The following SCLT1 variants were observed in gnomAD, a reference collection of about 807,000 sequenced individuals.
SCLT1 encodes the protein sodium channel and clathrin linker 1.
A neutral mutation model predicts 112.8 loss-of-function variants in SCLT1; 78 were observed. The observed-to-expected ratio is 0.69, with a 90% CI of 0.58 to 0.83. SCLT1 has a LOEUF of 0.83. SCLT1 is among the 40% of genes least tolerant of loss of function. The pLI, the probability that SCLT1 is intolerant of heterozygous loss-of-function variation, is 0.00. For synonymous variants in SCLT1, 257 were observed against 254.7 expected (o/e 1.01, Z -0.09); for missense variants, 747 against 770.4 (o/e 0.97, Z 0.36).
chr4:129,020,294 T>C (rs979107087), intron 5 of SCLT1, among the ~76,000 whole-genome samples: 3 of 152,188 alleles, frequency 2.0e-5, no homozygotes, highest in Non-Finnish European at 2.9e-5. Context: ...CTTATATATA[T>C]ACTGGATATG....
At position 128,967,984 on chromosome 4, in the gene SCLT1, T is replaced by A. The variant is rs766437863; in HGVS notation, c.777+2394A>T. ...GATGAGAACTTAGCCATTAATCTTA[T>A]CATTGCCTCTCTGTTCAGGTCATTT... On this transcript the variant is annotated intron_variant, in intron 10 of 20. Transcript: ENST00000281142. 9.2e-4 allele frequency among the ~76,000 whole-genome samples: 140 copies of A among 152,196 alleles called. 2 individuals are homozygous for A. The highest frequency in any genetic ancestry group is 9.3e-4 in the Non-Finnish European group (63 of 68,026).
chr4:128,896,993 G>A (rs888842750), intron 18 of SCLT1, among the ~76,000 whole-genome samples: 5 of 152,098 alleles, frequency 3.3e-5, no homozygotes, highest in East Asian at 1.9e-4. Context: ...AAAAAGAAAC[G>A]AACAAAGCCT....
chr4:128,891,385 T>TA, intron 18 of SCLT1, among the ~76,000 whole-genome samples: 2 of 152,128 alleles, frequency 1.3e-5, no homozygotes, highest in African/African-American at 4.8e-5. Context: ...CACTTAAAAA[T>TA]AGTTAAGGTG....
At chr4:128,952,181 G>C (rs1738812806) in intron 14 of SCLT1, among the ~76,000 whole-genome samples, 1 of 152,138 alleles carries the variant, frequency 6.6e-6, no homozygotes, top group Non-Finnish European at 1.5e-5. Context: ...TTTTGTAACA[G>C]AGATAAAAAG....
At chr4:128,874,198 G>A (rs1213479527) in intron 5 of SCLT1, 4 of 152,520 alleles carry the variant, frequency 2.6e-5, no homozygotes, top group Non-Finnish European at 1.5e-5. Context: ...AAAACCTTTT[G>A]CTGGATACAG....
intron 18 of SCLT1, among the ~76,000 whole-genome samples, chr4:128,927,386 G>A (rs988720073): frequency 6.6e-6 from 1 of 151,890 alleles, no homozygotes; most frequent in East Asian, 1.9e-4. Flanking sequence ...ACCAGACTGG[G>A]CAACATAATG....
chr4:128,902,099 C>T (rs1734360465), intron 18 of SCLT1, among the ~76,000 whole-genome samples: 1 of 151,938 alleles, frequency 6.6e-6, no homozygotes, highest in African/African-American at 2.4e-5. Context: ...GAGATGATGT[C>T]TCATTATGTT....
Position 128,915,714 on chromosome 4 carries a change from TTTCATTCA to T in SCLT1, c.1829+20933_1829+20940del, listed in dbSNP as rs200951533. 1.3e-4 allele frequency among the ~76,000 whole-genome samples: 20 copies of T among 152,182 alleles called. No homozygotes were observed. The East Asian group carries it at 2.3e-3, about 18-fold the overall frequency. On this transcript the variant is annotated intron_variant, in intron 18 of 20. Coordinates refer to ENST00000281142, the MANE Select transcript of SCLT1 (RefSeq NM_144643.4). ...ACAATAATTGATAAAATTCACTAGC[TTTCATTCA>T]TTCATTCATTCATTCATTCAACAAA... is the stretch of plus-strand genomic sequence containing the variant.
At chr4:129,028,369 A>G (rs376069158) in intron 5 of SCLT1, among the ~76,000 whole-genome samples, 72 of 152,118 alleles carry the variant, frequency 4.7e-4, no homozygotes, top group Middle Eastern at 3.4e-3. Flanking sequence ...CAGAAATAAC[A>G]CCGCATATCT....
intron 18 of SCLT1, among the ~76,000 whole-genome samples, chr4:128,927,013 AGAT>A (rs1736352339): frequency 6.6e-6 from 1 of 152,090 alleles, no homozygotes; most frequent in Admixed American, 6.5e-5. Context: ...TGAATTAAAA[AGAT>A]GAGAAAGAAA....
intron 5 of SCLT1, among the ~76,000 whole-genome samples, chr4:129,028,050 T>C (rs1374445211): frequency 6.6e-6 from 1 of 152,160 alleles, no homozygotes; most frequent in African/African-American, 2.4e-5. Context: ...TGGAAGAACA[T>C]TCCATGCTCA....
At chr4:128,945,826 TCTTC>T (rs1433179962) in intron 16 of SCLT1, among the ~76,000 whole-genome samples, 177 bp downstream of exon 16, 1 of 152,178 alleles carries the variant, frequency 6.6e-6, no homozygotes, top group African/African-American at 2.4e-5. Flanking sequence ...TTAAATCTTT[TCTTC>T]CTGCAGAAAT....
Position 129,093,510 on chromosome 4 carries a change from C to CGGGGGT in SCLT1, c.-408_-407insACCCCC, listed in dbSNP as rs1466386275. 1 of 184,908 alleles carries CGGGGGT rather than the reference C, an allele frequency of 5.4e-6. No homozygotes were observed. The highest frequency in any genetic ancestry group is 2.3e-5 in the African/African-American group (1 of 42,674). The allele number at this position is 184,908 out of a possible 1,614,324, so 11.5% of individuals were successfully genotyped here. A position where few individuals can be genotyped will look rare whatever the true frequency, so the allele number is the denominator to read the frequency against. ...GTTGGAGAGGACAACGCCAAGACGG[C>CGGGGGT]TGGGAAGCCCCAGGCCAGCAGCGGA... is the stretch of plus-strand genomic sequence containing the variant. On this transcript the variant is annotated 5_prime_UTR_variant, in exon 1 of 21. Coordinates refer to ENST00000281142, the MANE Select transcript of SCLT1 (RefSeq NM_144643.4).
At chr4:128,899,146 A>G (rs1734048500) in intron 18 of SCLT1, among the ~76,000 whole-genome samples, 4 of 152,210 alleles carry the variant, frequency 2.6e-5, no homozygotes, top group Admixed American at 2.6e-4. Flanking sequence ...TCAATAGAAA[A>G]AGAGGGAGTG....
At chr4:128,948,656 G>A in intron 14 of SCLT1, 86 bp from the exon 15 acceptor site, 1 of 934,404 alleles carries the variant, frequency 1.1e-6, no homozygotes, top group Non-Finnish European at 1.7e-6. Context: ...TTCATAATGG[G>A]AATATCATAG....
Position 129,038,314 on chromosome 4 carries a change from T to A in SCLT1, c.290+727A>T, listed in dbSNP as rs115890926. On this transcript the variant is annotated intron_variant, in intron 5 of 20. Transcript: ENST00000281142. ...AGAATGTAAATTGGTACACCTATTT[T>A]GGAAATTAAGTTGATATTATATTGC... is the stretch of plus-strand genomic sequence containing the variant. 6.8e-3 allele frequency among the ~76,000 whole-genome samples: 1,032 copies of A among 152,268 alleles called. 8 individuals carry two copies. The highest frequency in any genetic ancestry group is 0.011 in the Non-Finnish European group (717 of 68,012).
chr4:129,049,231 A>C (rs1748506445), intron 2 of SCLT1, among the ~76,000 whole-genome samples: 1 of 151,828 alleles, frequency 6.6e-6, no homozygotes, highest in Non-Finnish European at 1.5e-5. Context: ...GAACCAACCC[A>C]AATGTCCAAC....
At chr4:129,020,326 T>C (rs1745355037) in intron 5 of SCLT1, among the ~76,000 whole-genome samples, 2 of 152,220 alleles carry the variant, frequency 1.3e-5, no homozygotes, top group Admixed American at 1.3e-4. Context: ...GTATCTGCCA[T>C]GCCCAGACTT....
intron 1 of SCLT1, among the ~76,000 whole-genome samples, chr4:129,092,491 A>G (rs1752933740): frequency 6.6e-6 from 1 of 152,242 alleles, no homozygotes; most frequent in South Asian, 2.1e-4. Flanking sequence ...TGTTTAACAC[A>G]ATGTATCAGA....
Sources: gnomAD v4.1 joint callset for allele counts (sites outside exome capture counted in the v4.1 genomes callset) on GRCh38, gnomAD v4.1.1 for gene constraint, MANE v1.5 for transcripts, NCBI Gene and HGNC (gene_info 2026-07-23, HGNC 2026-07-21) for gene names.